Variants in DST observed in about 807,000 individuals in gnomAD.
DST encodes bullous pemphigoid antigen.
A neutral mutation model predicts 875.2 loss-of-function variants in DST; 253 were observed. The ratio of observed to expected loss-of-function variants is 0.29; its 90% CI spans 0.26 to 0.32. DST has a LOEUF of 0.32. Among genes scored for constraint, DST ranks in the 10% least tolerant of loss-of-function variants. DST has a pLI of 1.00. For synonymous variants in DST, 3,124 were observed against 3,197.1 expected, an observed-to-expected ratio of 0.98 and a Z score of 0.77; for missense variants, 8,287 against 9,111.6, an observed-to-expected ratio of 0.91 and a Z score of 3.68.
At chr6:56,812,274 G>A (rs2099761330) in intron 4 of DST, among the ~76,000 whole-genome samples, 1 of 152,046 alleles carries the variant, frequency 6.6e-6, no homozygotes, top group African/African-American at 2.4e-5. Context: ...CTTGTTGTTT[G>A]TTTGAAACTG....
intron 12 of DST, among the ~76,000 whole-genome samples, chr6:56,649,131 C>T (rs933483088): frequency 3.3e-5 from 5 of 152,224 alleles, no homozygotes; most frequent in Non-Finnish European, 5.9e-5. Flanking sequence ...AAGACTTACC[C>T]AATATATAGG....
chr6:56,905,637 G>A (rs887517279), intron 2 of DST, among the ~76,000 whole-genome samples: 6 of 150,196 alleles, frequency 4.0e-5, no homozygotes, highest in African/African-American at 1.5e-4. Context: ...CATATATTGC[G>A]TTTTCTTTTT....
chr6:56,795,214 G>C (rs1451328498), intron 4 of DST, among the ~76,000 whole-genome samples: 1 of 151,940 alleles, frequency 6.6e-6, no homozygotes, highest in Non-Finnish European at 1.5e-5. Context: ...AGAATAATTA[G>C]AGTACAAAAA....
intron 4 of DST, among the ~76,000 whole-genome samples, chr6:56,794,800 T>C (rs550397647): frequency 5.1e-4 from 78 of 152,272 alleles, no homozygotes; most frequent in Middle Eastern, 3.4e-3. Context: ...CCTCCAGCCA[T>C]CTTCTGCCAA....
At chr6:56,882,406 T>C (rs1369138169) in intron 3 of DST, among the ~76,000 whole-genome samples, 1 of 152,228 alleles carries the variant, frequency 6.6e-6, no homozygotes, top group Non-Finnish European at 1.5e-5. Flanking sequence ...CAATTAACAA[T>C]GCCTATTTAT....
intron 24 of DST, among the ~76,000 whole-genome samples, chr6:56,635,168 C>T (rs1046401296): frequency 2.6e-5 from 4 of 152,140 alleles, no homozygotes; most frequent in Non-Finnish European, 5.9e-5. Context: ...CACTACCTAA[C>T]ATACTATACA....
At chr6:56,915,614 C>CGT (rs1554256751) in intron 2 of DST, among the ~76,000 whole-genome samples, 10 of 149,432 alleles carry the variant, frequency 6.7e-5, no homozygotes, top group African/African-American at 2.5e-4. Context: ...AGGAAAAAAA[C>CGT]GTGCTAATTT....
At chr6:56,680,431 C>T (rs898486524) in intron 9 of DST, among the ~76,000 whole-genome samples, 6 of 152,208 alleles carry the variant, frequency 3.9e-5, no homozygotes, top group African/African-American at 1.4e-4. Flanking sequence ...TAAATGTCCA[C>T]TTGTACCATT....
chr6:56,640,785 G>A (rs2152778045), intron 17 of DST, among the ~76,000 whole-genome samples, 180 bp from the exon 18 acceptor site: 1 of 152,254 alleles, frequency 6.6e-6, no homozygotes, highest in African/African-American at 2.4e-5. Context: ...AGGTATAAGG[G>A]AGCATATGGG....
chr6:56,809,599 T>C lies in DST; in HGVS notation c.625+41798A>G, dbSNP rs149474645. Among the ~76,000 whole-genome samples the C allele has an allele frequency of 3.4e-3, 517 of 152,322 alleles. 4 individuals are homozygous for C. Among genetic ancestry groups the C allele is most frequent in the African/African-American group, 0.012 (501 of 41,570 alleles). ...AGAAAAAATGTAAAGCATTAAAATA[T>C]TTAATAAATTTTTGGCTGATGCCTG... On this transcript the variant is annotated intron_variant, in intron 4 of 103. Transcript: ENST00000680361.
intron 3 of DST, among the ~76,000 whole-genome samples, chr6:56,856,683 C>G (rs1293208584): frequency 6.6e-6 from 1 of 152,070 alleles, no homozygotes; most frequent in Non-Finnish European, 1.5e-5. Context: ...TGGGTTGATT[C>G]TTTTTCAAAA....
intron 2 of DST, among the ~76,000 whole-genome samples, chr6:56,937,397 A>T (rs1473585639): frequency 6.6e-6 from 1 of 152,234 alleles, no homozygotes; most frequent in Non-Finnish European, 1.5e-5. Flanking sequence ...GAATAGCTAA[A>T]AAGCATGTGA....
chr6:56,493,955 C>T lies in DST; in HGVS notation c.20394+55G>A, dbSNP rs539331008. On this transcript the variant is annotated intron_variant, in intron 83 of 103. Coordinates refer to ENST00000680361, the MANE Select transcript of DST (RefSeq NM_001374736.1). ...GCTCTACTCAGAAATAAGGCCAAGT[C>T]CAAGACATGAAACAACTAAAACACT... 3.0e-4 allele frequency: 416 copies of T among 1,400,014 alleles called. 6 individuals carry two copies. The South Asian group carries it at 5.0e-3, about 17-fold the overall frequency. 86.7% of individuals were successfully genotyped at this position (1,400,014 alleles called of 1,614,324 possible).
At chr6:56,720,648 T>C (rs979635288) in intron 5 of DST, among the ~76,000 whole-genome samples, 6 of 152,158 alleles carry the variant, frequency 3.9e-5, no homozygotes, top group Non-Finnish European at 7.4e-5. Flanking sequence ...ACAGCACATG[T>C]TTCAGAGAGC....
chr6:56,634,002 G>T, intron 27 of DST, 130 bp downstream of exon 27: 7 of 1,080,598 alleles, frequency 6.5e-6, no homozygotes, highest in Non-Finnish European at 9.8e-6. Flanking sequence ...AATATTCATT[G>T]AATAAATGAA....
At chr6:56,535,376 AT>A in intron 62 of DST, 84 bp from the exon 63 acceptor site, 1 of 1,413,192 alleles carries the variant, frequency 7.1e-7, no homozygotes, top group Non-Finnish European at 9.3e-7. Context: ...TTACATGCTT[AT>A]TTTCCCGTGT....
intron 2 of DST, among the ~76,000 whole-genome samples, chr6:56,928,194 A>T (rs1808221709): frequency 6.8e-6 from 1 of 147,444 alleles, no homozygotes; most frequent in Non-Finnish European, 1.5e-5. Context: ...GAGGTGAGAT[A>T]CCCCTACTGG....
rs1331571789 is a variant in DST at position 56,703,647 on chromosome 6, C to T, written c.876+1G>A. 1 of 981,210 alleles carries T rather than the reference C, an allele frequency of 1.0e-6. No individual in the cohort carries two copies. The highest frequency in any genetic ancestry group is 1.8e-5 in the African/African-American group (1 of 57,100). The allele number at this position is 981,210 out of a possible 1,614,324, so 60.8% of individuals were successfully genotyped here. On this transcript the variant is annotated splice_donor_variant, in intron 7 of 103. Transcript: ENST00000680361. LOFTEE classifies it high-confidence loss of function. The stretch of plus-strand genomic sequence containing the variant: ...AGTCAAGTTATGGGGGCGACACCTA[C>T]CCCCTTATCCTCATCCTCCACATCC...
intron 4 of DST, among the ~76,000 whole-genome samples, chr6:56,765,511 A>G (rs1445763687): frequency 6.6e-6 from 1 of 152,218 alleles, no homozygotes; most frequent in Non-Finnish European, 1.5e-5. Flanking sequence ...TATGCATGCC[A>G]GGATATCATA....
Sources: gnomAD v4.1 joint callset for allele counts (sites outside exome capture counted in the v4.1 genomes callset) on GRCh38, gnomAD v4.1.1 for gene constraint, MANE v1.5 for transcripts, NCBI Gene and HGNC (gene_info 2026-07-23, HGNC 2026-07-21) for gene names.